The following CNOT10 variants were observed in gnomAD, a reference collection of about 807,000 sequenced individuals.
CNOT10 encodes CCR4-NOT transcription complex subunit 10.
In CNOT10, 30 loss-of-function variants were observed where a neutral mutation model predicts 94.6. The ratio of observed to expected loss-of-function variants is 0.32; its 90% CI spans 0.24 to 0.43. CNOT10 has a LOEUF of 0.43. Ranked by LOEUF, CNOT10 falls within the 20% of genes least tolerant of loss-of-function variation. The probability of loss-of-function intolerance (pLI) is 1.00; values close to 1 mark genes in which losing one functional copy is unlikely to be tolerated. For missense variants in CNOT10, 759 were observed against 877.2 expected (o/e 0.87, Z 1.70); for synonymous variants, 289 against 301.6 (o/e 0.96, Z 0.43).
intron 13 of CNOT10, among the ~76,000 whole-genome samples, chr3:32,740,327 C>T (rs1165647603): frequency 6.6e-6 from 1 of 151,966 alleles, no homozygotes; most frequent in Admixed American, 6.6e-5. Context: ...AGTGTGGTGG[C>T]GTGTGCCTGT....
At chr3:32,770,471 G>A (rs1186321898) in intron 18 of CNOT10, among the ~76,000 whole-genome samples, 2 of 150,308 alleles carry the variant, frequency 1.3e-5, no homozygotes, top group African/African-American at 2.4e-5. Flanking sequence ...GACTACAGGC[G>A]CCCGCCACCA....
intron 13 of CNOT10, among the ~76,000 whole-genome samples, chr3:32,755,392 C>T (rs1700186400): frequency 7.0e-6 from 1 of 143,176 alleles, no homozygotes; most frequent in Non-Finnish European, 1.5e-5. Flanking sequence ...GATCTCAGCT[C>T]ACTGCAACCT....
intron 13 of CNOT10, among the ~76,000 whole-genome samples, chr3:32,757,914 C>T (rs911224723): frequency 6.6e-6 from 1 of 152,226 alleles, no homozygotes; most frequent in Non-Finnish European, 1.5e-5. Flanking sequence ...TTTAAAATTA[C>T]ATACTCAGGG....
chr3:32,688,794 A>G (rs1449762016), intron 1 of CNOT10, among the ~76,000 whole-genome samples: 1 of 152,064 alleles, frequency 6.6e-6, no homozygotes, highest in Non-Finnish European at 1.5e-5. Flanking sequence ...GTGTGCCTAT[A>G]GTCTCAGCTC....
chr3:32,707,346 C>T (rs771041068), intron 3 of CNOT10, among the ~76,000 whole-genome samples: 13 of 151,788 alleles, frequency 8.6e-5, no homozygotes, highest in Non-Finnish European at 1.8e-4. Flanking sequence ...CTTTTCTAAC[C>T]ATCATGTGTG....
intron 10 of CNOT10, among the ~76,000 whole-genome samples, chr3:32,732,226 A>G (rs914179316): frequency 6.6e-6 from 1 of 151,682 alleles, no homozygotes; most frequent in Admixed American, 6.6e-5. Context: ...CCCCATCTCT[A>G]CTAAAATACA....
intron 1 of CNOT10, 38 bp downstream of exon 1, chr3:32,685,520 C>T (rs1471862861): frequency 5.2e-6 from 8 of 1,548,658 alleles, no homozygotes; most frequent in Non-Finnish European, 7.0e-6. Flanking sequence ...GACGGCGGGA[C>T]GTGCGGGGCC....
chr3:32,737,304 ACT>A (rs1240812213), intron 12 of CNOT10, 104 bp from the exon 13 acceptor site: 8 of 697,682 alleles, frequency 1.1e-5, no homozygotes, highest in African/African-American at 9.1e-5. Flanking sequence ...GACGAGCAAA[ACT>A]CTGTCTCAAA....
At chr3:32,769,611 G>T in intron 17 of CNOT10, 1 of 368,876 alleles carries the variant, frequency 2.7e-6, no homozygotes, top group South Asian at 4.0e-5. Context: ...GTATGTGTCT[G>T]TTGTGAAAGC....
chr3:32,750,248 A>C lies in CNOT10; in HGVS notation c.1596-9210A>C, dbSNP rs560910299. 2.2e-4 allele frequency among the ~76,000 whole-genome samples: 33 copies of C among 152,238 alleles called. 1 individual carries two copies. The South Asian group carries it at 6.9e-3, about 32-fold the overall frequency. ...AGTGACTCATGCCTGTAATCCCAGC[A>C]CTGTGGGAGGCCAAGGTGGGTGGAT... On this transcript the variant is annotated intron_variant, in intron 13 of 18. Coordinates refer to ENST00000328834, the MANE Select transcript of CNOT10 (RefSeq NM_015442.3).
At chr3:32,749,505 G>A (rs1272479284) in intron 13 of CNOT10, among the ~76,000 whole-genome samples, 3 of 149,796 alleles carry the variant, frequency 2.0e-5, no homozygotes, top group East Asian at 2.0e-4. Flanking sequence ...CACCTCTTGG[G>A]TTCAAGTGAT....
intron 4 of CNOT10, among the ~76,000 whole-genome samples, chr3:32,709,561 G>A (rs1373614474): frequency 1.3e-5 from 2 of 152,206 alleles, no homozygotes; most frequent in African/African-American, 4.8e-5. Context: ...TTGGGAAGAG[G>A]TAGAGAGTCC....
At chr3:32,755,255 A>G (rs1315207055) in intron 13 of CNOT10, among the ~76,000 whole-genome samples, 1 of 151,630 alleles carries the variant, frequency 6.6e-6, no homozygotes, top group Non-Finnish European at 1.5e-5. Flanking sequence ...TCAAAAAAAA[A>G]AGAAAGAAAA....
At chr3:32,690,436 G>A (rs759527473) in intron 1 of CNOT10, among the ~76,000 whole-genome samples, 4 of 152,162 alleles carry the variant, frequency 2.6e-5, no homozygotes, top group Non-Finnish European at 5.9e-5. Context: ...CCATGTTGGT[G>A]TGCAGTGGCA....
intron 8 of CNOT10, among the ~76,000 whole-genome samples, chr3:32,721,454 T>TC (rs1553632721): frequency 3.5e-5 from 5 of 144,614 alleles, no homozygotes; most frequent in African/African-American, 7.8e-5. Flanking sequence ...TTTTTTTTTT[T>TC]AGTGAATTAC....
chr3:32,730,734 C>T (rs974806172), intron 10 of CNOT10: 1 of 152,090 alleles, frequency 6.6e-6, no homozygotes, highest in African/African-American at 2.4e-5. Context: ...AAAAAATTAA[C>T]TTGTTTATGC....
chr3:32,705,220 T>G (rs1012537418), intron 3 of CNOT10, among the ~76,000 whole-genome samples: 1 of 152,184 alleles, frequency 6.6e-6, no homozygotes, highest in Non-Finnish European at 1.5e-5. Flanking sequence ...TGAATGAGCT[T>G]TGGAGTTTTG....
At chr3:32,697,392 T>C (rs1697124568) in intron 1 of CNOT10, among the ~76,000 whole-genome samples, 1 of 152,220 alleles carries the variant, frequency 6.6e-6, no homozygotes, top group Non-Finnish European at 1.5e-5. Context: ...AAGGTGCTCT[T>C]ACAGTTGGTC....
At chr3:32,686,248 G>A (rs1696596196) in intron 1 of CNOT10, among the ~76,000 whole-genome samples, 1 of 152,006 alleles carries the variant, frequency 6.6e-6, no homozygotes, top group Admixed American at 6.6e-5. Context: ...AATGTTTCCC[G>A]CAAGAAATTC....
Sources: gnomAD v4.1 joint callset for allele counts (sites outside exome capture counted in the v4.1 genomes callset) on GRCh38, gnomAD v4.1.1 for gene constraint, MANE v1.5 for transcripts, NCBI Gene and HGNC (gene_info 2026-07-23, HGNC 2026-07-21) for gene names.